The following TIPIN variants were observed in gnomAD, a reference collection of about 807,000 sequenced individuals.
TIPIN encodes the protein TIMELESS interacting protein.
TIPIN carries 29 observed loss-of-function variants against 35.6 expected under a neutral mutation model. The ratio of observed to expected loss-of-function variants is 0.82; its 90% CI spans 0.61 to 1.11. The LOEUF is 1.11. TIPIN is among the 50% of genes most tolerant of loss of function. The pLI is 0.00. For missense variants in TIPIN, 296 were observed against 345.4 expected, an observed-to-expected ratio of 0.86 and a Z score of 1.13; for synonymous variants, 102 against 121.5, an observed-to-expected ratio of 0.84 and a Z score of 1.06.
chr15:66,342,205 A>AAAAAAG (rs1555407163), intron 6 of TIPIN, among the ~76,000 whole-genome samples: 1 of 150,542 alleles, frequency 6.6e-6, no homozygotes, highest in African/African-American at 2.4e-5. Context: ...AAAAAAAAAA[A>AAAAAAG]AAAGAAAGAA....
chr15:66,381,016 A>T lies in TIPIN; in HGVS notation c.-9+5591T>A, dbSNP rs556988671. On this transcript the variant is annotated intron_variant, in intron 1 of 7. Coordinates refer to the TIPIN transcript ENST00000562124. ...AGATTTTACCTATTTAAATAATACT[A>T]TGTTGATCATTCTTCTGTATAGCTT... Among the ~76,000 whole-genome samples, 445 of 152,310 alleles carry T rather than the reference A, an allele frequency of 2.9e-3. 2 individuals carry two copies. The highest frequency in any genetic ancestry group is 0.01 in the African/African-American group (432 of 41,562).
Position 66,371,346 on chromosome 15 carries a change from A to G in TIPIN, c.-9+15261T>C, listed in dbSNP as rs901306526. ...AAAAATTTGGAGCAAAACCCACAAA[A>G]TTCTCAGAAGACGTAAGTGTTTTAA... On this transcript the variant is annotated intron_variant, in intron 1 of 7. Transcript: ENST00000562124. 3.0e-6 allele frequency: 3 copies of G among 985,156 alleles called. No individual in the cohort carries two copies. In the African/African-American group the frequency reaches 5.2e-5, roughly 17 times the overall value. 61.0% of individuals were successfully genotyped at this position (985,156 alleles called of 1,614,324 possible).
At chr15:66,348,063 T>A (rs916894036) in intron 6 of TIPIN, among the ~76,000 whole-genome samples, 1 of 149,800 alleles carries the variant, frequency 6.7e-6, no homozygotes, top group Admixed American at 6.7e-5. Context: ...GCCCAGAGTA[T>A]AGTGGTGTGA....
At chr15:66,339,702 T>C (rs1022732590) in intron 7 of TIPIN, among the ~76,000 whole-genome samples, 1 of 152,066 alleles carries the variant, frequency 6.6e-6, no homozygotes, top group African/African-American at 2.4e-5. Flanking sequence ...CACTGCACTC[T>C]AGCCTGGGTG....
At chr15:66,347,049 C>T (rs1486075203) in intron 6 of TIPIN, among the ~76,000 whole-genome samples, 2 of 152,164 alleles carry the variant, frequency 1.3e-5, no homozygotes, top group Non-Finnish European at 2.9e-5. Context: ...CCCGCCTCGG[C>T]CTCTCAAAGT....
At chr15:66,338,220 A>G (rs2093059331) in intron 7 of TIPIN, among the ~76,000 whole-genome samples, 1 of 151,998 alleles carries the variant, frequency 6.6e-6, no homozygotes, top group East Asian at 1.9e-4. Context: ...CAGCAACTGC[A>G]CTCCAGCCTG....
At chr15:66,348,300 T>C (rs2093141336) in intron 6 of TIPIN, 1 of 151,858 alleles carries the variant, frequency 6.6e-6, no homozygotes, top group African/African-American at 2.4e-5. Flanking sequence ...TAATGAGTTA[T>C]CAATTCACAG....
In TIPIN at chr15:66,347,652, G is replaced by A. The variant is rs559010857; in HGVS notation, c.475+1408C>T. 2.6e-5 allele frequency among the ~76,000 whole-genome samples: 4 copies of A among 151,988 alleles called. No homozygotes were observed. In the East Asian group the frequency reaches 7.7e-4, roughly 29 times the overall value. On this transcript the variant is annotated intron_variant, in intron 6 of 7. Transcript: ENST00000261881. The stretch of plus-strand genomic sequence containing the variant: ...GGCTGGATTGCAACGACGCAATCTC[G>A]GCTCACTGCAACCTCCACCTCCTGG...
intron 7 of TIPIN, among the ~76,000 whole-genome samples, chr15:66,338,616 C>T (rs2093061651): frequency 6.6e-6 from 1 of 151,604 alleles, no homozygotes; most frequent in Non-Finnish European, 1.5e-5. Flanking sequence ...GGATCGAGAC[C>T]ATCCTGGCTG....
At chr15:66,379,266 A>C in intron 1 of TIPIN, 1 of 1,494,894 alleles carries the variant, frequency 6.7e-7, no homozygotes, top group Non-Finnish European at 8.9e-7. Context: ...TTATTACATC[A>C]TTTAAATATC....
chr15:66,361,552 A>C (rs895129258), upstream of TIPIN, among the ~76,000 whole-genome samples: 119 of 109,992 alleles, frequency 1.1e-3, no homozygotes, highest in African/African-American at 3.1e-3. Flanking sequence ...ACTGTGCCCC[A>C]CCTGTAATTT....
At chr15:66,350,534 G>A (rs951445258) in intron 4 of TIPIN, among the ~76,000 whole-genome samples, 16 of 151,804 alleles carry the variant, frequency 1.1e-4, no homozygotes, top group African/African-American at 2.9e-4. Context: ...GAACCCAAGC[G>A]GCGGAGGTTG....
intron 1 of TIPIN, among the ~76,000 whole-genome samples, chr15:66,372,157 C>T (rs547356354): frequency 3.9e-4 from 59 of 152,150 alleles, no homozygotes; most frequent in Non-Finnish European, 7.3e-4. Flanking sequence ...GAATGGAACA[C>T]ACTGTGTAAC....
At chr15:66,364,301 G>C (rs1202295527) in intron 1 of TIPIN, among the ~76,000 whole-genome samples, 1 of 151,458 alleles carries the variant, frequency 6.6e-6, no homozygotes, top group East Asian at 2.0e-4. Context: ...AAGGAGCTGG[G>C]ATTACAGATG....
At chr15:66,369,249 T>C (rs1284248714) in intron 1 of TIPIN, among the ~76,000 whole-genome samples, 2 of 151,904 alleles carry the variant, frequency 1.3e-5, no homozygotes, top group Non-Finnish European at 2.9e-5. Context: ...GCTGTACAAT[T>C]AAAGCAATCT....
At chr15:66,338,434 T>C (rs1595780839) in intron 7 of TIPIN, among the ~76,000 whole-genome samples, 1 of 152,160 alleles carries the variant, frequency 6.6e-6, no homozygotes, top group Admixed American at 6.5e-5. Context: ...TACTTGATAT[T>C]GACAGCAAAG....
intron 6 of TIPIN, among the ~76,000 whole-genome samples, chr15:66,348,024 T>TTTC (rs2093138830): frequency 6.7e-6 from 1 of 150,236 alleles, no homozygotes. Flanking sequence ...TTTTTTTTTT[T>TTTC]CCAGACAAGG....
chr15:66,364,092 A>C (rs1256197365), intron 1 of TIPIN, among the ~76,000 whole-genome samples: 1 of 151,632 alleles, frequency 6.6e-6, no homozygotes, highest in African/African-American at 2.4e-5. Context: ...TTACAATTCA[A>C]CATGAGATCT....
chr15:66,379,245 C>T, intron 1 of TIPIN: 22 of 1,453,866 alleles, frequency 1.5e-5, no homozygotes, highest in Non-Finnish European at 2.0e-5. Context: ...TTCTCCAAAT[C>T]AACAGGTCTT....
Sources: gnomAD v4.1 joint callset for allele counts (sites outside exome capture counted in the v4.1 genomes callset) on GRCh38, gnomAD v4.1.1 for gene constraint, MANE v1.5 for transcripts, NCBI Gene and HGNC (gene_info 2026-07-23, HGNC 2026-07-21) for gene names.